The following DLGAP4 variants were observed in gnomAD, a reference collection of about 807,000 sequenced individuals.
DLGAP4 encodes the protein DLG associated protein 4.
Under a neutral mutation model 86.9 loss-of-function variants are expected in DLGAP4, and 18 were observed. The observed-to-expected ratio is 0.21, with a 90% confidence interval of 0.14 to 0.31. The LOEUF (loss-of-function observed/expected upper bound fraction) is 0.31, where lower values mean the gene tolerates loss of function less well. Ranked by LOEUF, DLGAP4 falls within the 10% of genes least tolerant of loss-of-function variation. DLGAP4 has a pLI of 1.00. For synonymous variants in DLGAP4, 548 were observed against 574.3 expected (o/e 0.95, Z 0.65); for missense variants, 1,085 against 1,362.6 (o/e 0.80, Z 3.21).
chr20:36,510,827 G>C (rs1312123392), intron 10 of DLGAP4: 1 of 152,238 alleles, frequency 6.6e-6, no homozygotes, highest in Non-Finnish European at 1.5e-5. Flanking sequence ...AAAGTGCTGG[G>C]ATTACAGGAG....
intron 7 of DLGAP4, among the ~76,000 whole-genome samples, chr20:36,454,641 G>C (rs544184421): frequency 6.6e-6 from 1 of 152,132 alleles, no homozygotes; most frequent in Non-Finnish European, 1.5e-5. Context: ...GTGAGCAATC[G>C]GGTCCTTTCT....
intron 1 of DLGAP4, among the ~76,000 whole-genome samples, chr20:36,345,422 C>T (rs2029906940): frequency 6.6e-6 from 1 of 152,194 alleles, no homozygotes; most frequent in Admixed American, 6.5e-5. Context: ...GCAGATAGAG[C>T]GTTGGCTCTG....
At chr20:36,499,207 G>A (rs761758582) in intron 8 of DLGAP4, 16 of 1,552,262 alleles carry the variant, frequency 1.0e-5, no homozygotes, top group Middle Eastern at 1.7e-4. Context: ...CTCTTTCGTC[G>A]TCCTTTTTTT....
At chr20:36,372,442 C>T (rs1463984913) in intron 2 of DLGAP4, among the ~76,000 whole-genome samples, 3 of 152,116 alleles carry the variant, frequency 2.0e-5, no homozygotes, top group South Asian at 2.1e-4. Context: ...CCACCTCCCT[C>T]CCCATCACCT....
rs575574160 is a variant in DLGAP4 at position 36,492,115 on chromosome 20, G to T, written c.1649-4590G>T. Among the ~76,000 whole-genome samples, 13 of 152,352 alleles carry T rather than the reference G, an allele frequency of 8.5e-5. No individual in the cohort carries two copies. In the South Asian group the frequency reaches 1.9e-3, roughly 22 times the overall value. On this transcript the variant is annotated intron_variant, in intron 7 of 12. Coordinates refer to ENST00000339266, the MANE Select transcript of DLGAP4 (RefSeq NM_001365621.2). Reference sequence around the variant, plus strand: ...GAACAGTATGTGTGAAGGCCCCAGCGGGGGAGGAAGTGGCCGGGGTGAGGT... The same window carrying T: ...GAACAGTATGTGTGAAGGCCCCAGCTGGGGAGGAAGTGGCCGGGGTGAGGT...
At chr20:36,465,242 A>G (rs959939043) in intron 7 of DLGAP4, 1 of 147,390 alleles carries the variant, frequency 6.8e-6, no homozygotes, top group African/African-American at 2.5e-5. Context: ...TAGTAATAGG[A>G]GTGATCTTCT....
At chr20:36,504,563 A>G (rs2036280119) in intron 10 of DLGAP4, among the ~76,000 whole-genome samples, 1 of 152,200 alleles carries the variant, frequency 6.6e-6, no homozygotes, top group Non-Finnish European at 1.5e-5. Flanking sequence ...TTTTTGAGGA[A>G]TGGCTGAACT....
chr20:36,374,441 G>A (rs1180587760), intron 2 of DLGAP4, among the ~76,000 whole-genome samples: 1 of 152,232 alleles, frequency 6.6e-6, no homozygotes, highest in Non-Finnish European at 1.5e-5. Context: ...AGAGCATGTG[G>A]TGGGAGTGCA....
At chr20:36,526,744 G>A in intron 12 of DLGAP4, 69 bp from the exon 13 acceptor site, 1 of 1,406,854 alleles carries the variant, frequency 7.1e-7, no homozygotes, top group Non-Finnish European at 9.6e-7. Flanking sequence ...GGCATATGGT[G>A]GGGGTAGTGC....
At chr20:36,461,748 T>TCCGTCCGCCCGC (rs1474275856) in intron 7 of DLGAP4, 101 of 853,478 alleles carry the variant, frequency 1.2e-4, no homozygotes, top group Non-Finnish European at 1.3e-4. Context: ...CGTCCGTCCG[T>TCCGTCCGCCCGC]CCGCCCGCCC....
intron 2 of DLGAP4, among the ~76,000 whole-genome samples, chr20:36,412,601 G>A (rs973120000): frequency 6.6e-6 from 1 of 152,146 alleles, no homozygotes; most frequent in Non-Finnish European, 1.5e-5. Flanking sequence ...TCTATAGAAC[G>A]GGACCAACAA....
intron 7 of DLGAP4, 52 bp downstream of exon 7, chr20:36,446,989 A>C: frequency 6.4e-7 from 1 of 1,554,176 alleles, no homozygotes. Context: ...GGGGACCCCA[A>C]GGACCATACC....
intron 10 of DLGAP4, among the ~76,000 whole-genome samples, chr20:36,515,552 ATGT>A (rs2036987427): frequency 6.6e-6 from 1 of 152,110 alleles, no homozygotes; most frequent in Admixed American, 6.6e-5. Flanking sequence ...CATTCTTACC[ATGT>A]TATTTTGGGG....
chr20:36,406,939 C>T lies in DLGAP4; in HGVS notation c.-72-24707C>T, dbSNP rs181888743. 3.3e-5 allele frequency among the ~76,000 whole-genome samples: 5 copies of T among 152,280 alleles called. No homozygotes were observed. In the East Asian group the frequency reaches 9.6e-4, roughly 29 times the overall value. On this transcript the variant is annotated intron_variant, in intron 2 of 12. Transcript: ENST00000339266. The stretch of plus-strand genomic sequence containing the variant: ...TAGGGGCCCGATGAGGACCAGTCAG[C>T]AGCCTCTGTGCCCCAGTTTTCTAAA...
intron 1 of DLGAP4, among the ~76,000 whole-genome samples, chr20:36,349,434 A>AG (rs1260304339): frequency 6.6e-6 from 1 of 151,434 alleles, no homozygotes; most frequent in East Asian, 1.9e-4. Flanking sequence ...AAAAAAAAAA[A>AG]GTGAGATGGA....
At chr20:36,525,814 G>A in intron 11 of DLGAP4, 37 bp from the exon 12 acceptor site, 3 of 1,608,450 alleles carry the variant, frequency 1.9e-6, no homozygotes, top group Non-Finnish European at 8.5e-7. Context: ...ACAAGCCTCT[G>A]CTGAGCTGGC....
At chr20:36,419,683 T>C (rs1600505848) in intron 2 of DLGAP4, among the ~76,000 whole-genome samples, 1 of 152,326 alleles carries the variant, frequency 6.6e-6, no homozygotes, top group East Asian at 1.9e-4. Flanking sequence ...AAGTTAGTGC[T>C]GGCTGTTGGC....
intron 7 of DLGAP4, among the ~76,000 whole-genome samples, chr20:36,466,899 G>A (rs2034379347): frequency 6.6e-6 from 1 of 152,054 alleles, no homozygotes; most frequent in Non-Finnish European, 1.5e-5. Context: ...GTGGTCCCAA[G>A]TGGTCAAAGC....
At chr20:36,363,271 C>T (rs2030579418) in intron 1 of DLGAP4, among the ~76,000 whole-genome samples, 1 of 152,194 alleles carries the variant, frequency 6.6e-6, no homozygotes, top group Admixed American at 6.5e-5. Context: ...TGGTGCAGGG[C>T]TGCCTGTGGC....
Sources: gnomAD v4.1 joint callset for allele counts (sites outside exome capture counted in the v4.1 genomes callset) on GRCh38, gnomAD v4.1.1 for gene constraint, MANE v1.5 for transcripts, NCBI Gene and HGNC (gene_info 2026-07-23, HGNC 2026-07-21) for gene names.